The following SEL1L3 variants were observed in gnomAD, a reference collection of about 807,000 sequenced individuals.
SEL1L3 encodes protein sel-1 homolog 3.
SEL1L3 carries 76 observed loss-of-function variants against 142.8 expected under a neutral mutation model. The observed-to-expected ratio is 0.53, with a 90% CI of 0.44 to 0.64. SEL1L3 has a LOEUF of 0.64. Ranked by LOEUF, SEL1L3 falls within the 30% of genes least tolerant of loss-of-function variation. SEL1L3 has a pLI of 0.00. For missense variants in SEL1L3, 1,262 were observed against 1,381.7 expected (o/e 0.91, Z 1.37); for synonymous variants, 504 against 519.6 (o/e 0.97, Z 0.41).
rs534688320 is a variant in SEL1L3 at position 25,756,473 on chromosome 4, T to G, written c.3259+1061A>C. ...TACAGCCGTCATTTTGGTAAGTATCTTACGTGCATTTTTTTTCACTTAATA... is the reference window on the plus strand; with the variant it reads ...TACAGCCGTCATTTTGGTAAGTATCGTACGTGCATTTTTTTTCACTTAATA... On this transcript the variant is annotated intron_variant, in intron 23 of 23. Coordinates refer to ENST00000399878, the MANE Select transcript of SEL1L3 (RefSeq NM_015187.5). The G allele has an allele frequency of 4.8e-5, 47 of 985,302 alleles. No homozygotes were observed. The South Asian group carries it at 2.2e-3, about 45-fold the overall frequency. 61.0% of individuals were successfully genotyped at this position (985,302 alleles called of 1,614,324 possible).
At chr4:25,749,298 T>C (rs1022112051) in intron 23 of SEL1L3, among the ~76,000 whole-genome samples, 3 of 152,094 alleles carry the variant, frequency 2.0e-5, no homozygotes, top group Non-Finnish European at 2.9e-5. Context: ...TACTAAGGCA[T>C]GTATTTTCAA....
At chr4:25,764,244 T>C (rs187078796) in intron 20 of SEL1L3, among the ~76,000 whole-genome samples, 180 of 152,318 alleles carry the variant, frequency 1.2e-3, no homozygotes, top group Non-Finnish European at 2.0e-3. Context: ...GGAACTGTCA[T>C]AGATTGGAGA....
chr4:25,761,398 C>T lies in SEL1L3; in HGVS notation c.2956-2330G>A, dbSNP rs138268061. ...CTCGACCTTCTGACCTCAGTTAATC[C>T]GCCCACCTTGGCCTCCCAAAGTGCT... On this transcript the variant is annotated intron_variant, in intron 20 of 23. Transcript: ENST00000399878. Among the ~76,000 whole-genome samples the T allele has an allele frequency of 2.1e-3, 325 of 152,218 alleles. 3 individuals carry two copies. Among genetic ancestry groups the T allele is most frequent in the African/African-American group, 7.3e-3 (304 of 41,526 alleles).
intron 5 of SEL1L3, among the ~76,000 whole-genome samples, chr4:25,832,456 T>C (rs754624568): frequency 1.3e-5 from 2 of 152,250 alleles, no homozygotes; most frequent in Non-Finnish European, 2.9e-5. Context: ...TTATGTACAA[T>C]GTTTTATACT....
At chr4:25,741,815 T>C in the SEL1L3 span, among the ~76,000 whole-genome samples, 2 of 150,498 alleles carry the variant, frequency 1.3e-5, no homozygotes, top group Non-Finnish European at 3.0e-5. Flanking sequence ...TATTATATTA[T>C]ATTATTATTA....
intron 1 of SEL1L3, among the ~76,000 whole-genome samples, chr4:25,860,395 T>G (rs1261060771): frequency 6.6e-6 from 1 of 152,202 alleles, no homozygotes; most frequent in African/African-American, 2.4e-5. Context: ...TTGAGCAAAA[T>G]GCACACAATT....
chr4:25,861,081 G>C (rs765735822), intron 1 of SEL1L3, among the ~76,000 whole-genome samples: 9 of 152,062 alleles, frequency 5.9e-5, no homozygotes, highest in South Asian at 2.1e-4. Context: ...GGAACTTTTC[G>C]GCCCGGCCCA....
the SEL1L3 span, among the ~76,000 whole-genome samples, chr4:25,741,113 T>C: frequency 5.3e-5 from 8 of 150,620 alleles, no homozygotes; most frequent in Admixed American, 4.6e-4. Flanking sequence ...TCTTTCTTTT[T>C]TTTTTTTTTA....
chr4:25,840,624 G>A (rs1471232692), intron 2 of SEL1L3, among the ~76,000 whole-genome samples: 1 of 152,138 alleles, frequency 6.6e-6, no homozygotes, highest in Admixed American at 6.5e-5. Flanking sequence ...CTAAACATTA[G>A]GGCATTTAAG....
intron 3 of SEL1L3, 149 bp downstream of exon 3, chr4:25,835,048 T>G: frequency 1.1e-6 from 1 of 905,380 alleles, no homozygotes; most frequent in Non-Finnish European, 1.7e-6. Context: ...GGTCCACCAA[T>G]TCTGTCTAAG....
chr4:25,848,522 A>G (rs2109311087), intron 1 of SEL1L3, among the ~76,000 whole-genome samples: 1 of 152,342 alleles, frequency 6.6e-6, no homozygotes, highest in Non-Finnish European at 1.5e-5. Context: ...TTTTAGCTGA[A>G]TGTTTATTTA....
At position 25,765,296 on chromosome 4, in the gene SEL1L3, G is replaced by C. The variant is rs1718641129; in HGVS notation, c.2955+30C>G. ...GGCATGAGCCACCGTGCCCGGCCAA[G>C]AGCTGGTTTTTGTTGCGGTTGCTGT... is the stretch of plus-strand genomic sequence containing the variant. On this transcript the variant is annotated intron_variant, in intron 20 of 23. Coordinates refer to ENST00000399878, the MANE Select transcript of SEL1L3 (RefSeq NM_015187.5). 7 of 1,468,750 alleles carry C rather than the reference G, an allele frequency of 4.8e-6. No individual in the cohort carries two copies. In the East Asian group the frequency reaches 1.6e-4, roughly 33 times the overall value. 91.0% of individuals were successfully genotyped at this position (1,468,750 alleles called of 1,614,324 possible).
chr4:25,793,447 C>G (rs781060026), intron 11 of SEL1L3, among the ~76,000 whole-genome samples: 1 of 151,988 alleles, frequency 6.6e-6, no homozygotes, highest in Non-Finnish European at 1.5e-5. Flanking sequence ...CCAAGCCCAG[C>G]TATTTTTTTT....
chr4:25,722,624 C>CTTTTTTTTTTTTTTTTTTTT, the SEL1L3 span, among the ~76,000 whole-genome samples: 15 of 103,670 alleles, frequency 1.4e-4, 2 homozygotes, highest in African/African-American at 5.5e-4. Context: ...CCAAAGGAGG[C>CTTTTTTTTTTTTTTTTTTTT]TTTTTTTTTT....
intron 6 of SEL1L3, among the ~76,000 whole-genome samples, chr4:25,823,286 T>G (rs1714886624): frequency 6.6e-6 from 1 of 152,114 alleles, no homozygotes; most frequent in African/African-American, 2.4e-5. Context: ...GAGGCCAAGG[T>G]GGGCAGATCA....
At chr4:25,744,466 G>T (rs1393096880), downstream of SEL1L3, among the ~76,000 whole-genome samples, 1 of 149,206 alleles carries the variant, frequency 6.7e-6, no homozygotes, top group Non-Finnish European at 1.5e-5. Flanking sequence ...CGATGCTCAT[G>T]CCTCAGCCTC....
At chr4:25,830,629 G>A (rs1363881578) in intron 5 of SEL1L3, among the ~76,000 whole-genome samples, 1 of 152,030 alleles carries the variant, frequency 6.6e-6, no homozygotes, top group African/African-American at 2.4e-5. Context: ...ATTTTAACAG[G>A]GACACTATTT....
At chr4:25,783,751 A>G (rs1711583417) in intron 14 of SEL1L3, among the ~76,000 whole-genome samples, 1 of 152,228 alleles carries the variant, frequency 6.6e-6, no homozygotes, top group South Asian at 2.1e-4. Context: ...TGACAAAAGC[A>G]AAATAATTCC....
At chr4:25,768,545 A>T (rs1718919369) in intron 17 of SEL1L3, among the ~76,000 whole-genome samples, 1 of 152,228 alleles carries the variant, frequency 6.6e-6, no homozygotes, top group African/African-American at 2.4e-5. Context: ...TTAAGAATGT[A>T]CATACCATGT....
Sources: gnomAD v4.1 joint callset for allele counts (sites outside exome capture counted in the v4.1 genomes callset) on GRCh38, gnomAD v4.1.1 for gene constraint, MANE v1.5 for transcripts, NCBI Gene and HGNC (gene_info 2026-07-23, HGNC 2026-07-21) for gene names.